Variants in GSE1 observed in about 807,000 individuals in gnomAD.
GSE1 encodes genetic suppressor element 1.
GSE1 carries 32 observed loss-of-function variants against 112.6 expected under a neutral mutation model. The observed-to-expected ratio is 0.28, with a 90% CI of 0.21 to 0.38. GSE1 has a LOEUF of 0.38. Among genes scored for constraint, GSE1 ranks in the 10% least tolerant of loss-of-function variants. The pLI is 1.00. For missense variants in GSE1, 2,348 were observed against 1,699.2 expected (o/e 1.38, Z -6.71); for synonymous variants, 1,115 against 735.6 (o/e 1.52, Z -8.35).
rs868320104 is a variant in GSE1, at chr16:85,410,415, T to C, written c.2464+52772T>C. Among the ~76,000 whole-genome samples the C allele has an allele frequency of 6.0e-3, 157 of 26,350 alleles. 3 individuals are homozygous for C. The highest frequency in any genetic ancestry group is 7.8e-3 in the Non-Finnish European group (113 of 14,560). 17.3% of individuals were successfully genotyped at this position (26,350 alleles called of 152,430 possible). A position where few individuals can be genotyped will look rare whatever the true frequency, so the allele number is the denominator to read the frequency against. ...TCAGGCCCCCCTGGATAATCCTCAC[T>C]GTTACACTCAGGGCCCCCTGGATAA... On this transcript the variant is annotated intron_variant, in intron 2 of 2. Coordinates refer to the GSE1 transcript ENST00000637419.
At chr16:85,302,486 T>C (rs928070461) in intron 1 of GSE1, among the ~76,000 whole-genome samples, 2 of 150,880 alleles carry the variant, frequency 1.3e-5, no homozygotes, top group Non-Finnish European at 2.9e-5. Flanking sequence ...ATAGTACTGC[T>C]ATCAAGGCTC....
At chr16:85,555,281 T>TC, upstream of GSE1, 1 of 985,176 alleles carries the variant, frequency 1.0e-6, no homozygotes. Flanking sequence ...CCCGCTCTCC[T>TC]CCTGCCTCCT....
At chr16:85,662,410 C>T (rs2052511467) in intron 9 of GSE1, 1 of 153,430 alleles carries the variant, frequency 6.5e-6, no homozygotes, top group Non-Finnish European at 1.4e-5. Flanking sequence ...GCTCAGCCTC[C>T]TCTTCAATAG....
chr16:85,354,638 G>T (rs1437730333), intron 1 of GSE1, among the ~76,000 whole-genome samples: 2 of 152,216 alleles, frequency 1.3e-5, no homozygotes, highest in Non-Finnish European at 2.9e-5. Flanking sequence ...TCGAGACTGG[G>T]GCATGGCACA....
At chr16:85,268,841 C>A (rs1398259413) in intron 1 of GSE1, among the ~76,000 whole-genome samples, 1 of 152,166 alleles carries the variant, frequency 6.6e-6, no homozygotes, top group East Asian at 1.9e-4. Flanking sequence ...GACCCCCGTG[C>A]TCTCTCCACA....
chr16:85,624,094 A>G (rs914571031), intron 1 of GSE1, among the ~76,000 whole-genome samples: 1 of 152,126 alleles, frequency 6.6e-6, no homozygotes, highest in Non-Finnish European at 1.5e-5. Context: ...CTTGTGAGCA[A>G]GCGTCTCAGC....
intron 12 of GSE1, 37 bp from the exon 13 acceptor site, chr16:85,665,939 C>A: frequency 6.2e-7 from 1 of 1,605,740 alleles, no homozygotes; most frequent in Non-Finnish European, 8.5e-7. Flanking sequence ...TGTTAACTTG[C>A]ATTTCTTAAT....
chr16:85,517,308 G>A (rs2051982983), intron 2 of GSE1, among the ~76,000 whole-genome samples: 1 of 152,202 alleles, frequency 6.6e-6, no homozygotes, highest in Non-Finnish European at 1.5e-5. Context: ...GCACAGCCAT[G>A]TGTCCTTGGT....
chr16:85,302,282 T>G (rs1213128451), intron 1 of GSE1, among the ~76,000 whole-genome samples: 7 of 152,278 alleles, frequency 4.6e-5, no homozygotes, highest in African/African-American at 7.2e-5. Context: ...CCGGGGTGAC[T>G]CGGAGTCATC....
chr16:85,587,609 C>T (rs893809131), intron 1 of GSE1, among the ~76,000 whole-genome samples: 1 of 152,124 alleles, frequency 6.6e-6, no homozygotes, highest in African/African-American at 2.4e-5. Flanking sequence ...GCCCAGGCCC[C>T]CTGTTGGTTT....
At chr16:85,387,956 A>G in intron 2 of GSE1, among the ~76,000 whole-genome samples, 1 of 146,672 alleles carries the variant, frequency 6.8e-6, no homozygotes, top group Non-Finnish European at 1.5e-5. Context: ...GGATAAAGGG[A>G]TGGATGGGTA....
intron 2 of GSE1, chr16:85,490,476 C>G (rs1033703745): frequency 6.6e-6 from 1 of 152,284 alleles, no homozygotes; most frequent in East Asian, 1.9e-4. Context: ...CCTCCCAGGC[C>G]CAGGGCATCG....
chr16:85,189,425 G>C (rs2074778136), intron 1 of GSE1, among the ~76,000 whole-genome samples: 3 of 152,192 alleles, frequency 2.0e-5, no homozygotes, highest in South Asian at 2.1e-4. Context: ...CTTGCCAGCT[G>C]TGGGAGTGGC....
At chr16:85,433,215 G>C (rs1025855556) in intron 2 of GSE1, among the ~76,000 whole-genome samples, 7 of 151,858 alleles carry the variant, frequency 4.6e-5, no homozygotes, top group East Asian at 1.9e-4. Flanking sequence ...TCTCTTGCTT[G>C]GTTTACATTG....
rs562781102 is a variant in GSE1 at position 85,269,830 on chromosome 16, G to A, written c.2284-87633G>A. ...AGGCCCTGTCGAGAGAGGTGGCACC[G>A]TAGGTGGGATGCCTGTGCCCTACAC... is the stretch of plus-strand genomic sequence containing the variant. On this transcript the variant is annotated intron_variant, in intron 1 of 2. Coordinates refer to the GSE1 transcript ENST00000637419. Among the ~76,000 whole-genome samples the A allele has an allele frequency of 4.7e-5, 7 of 149,572 alleles. 1 individual carries two copies. In the South Asian group the frequency reaches 6.3e-4, roughly 13 times the overall value.
intron 1 of GSE1, 43 bp from the exon 2 acceptor site, chr16:85,633,871 C>T (rs371349851): frequency 2.0e-6 from 3 of 1,527,148 alleles, no homozygotes; most frequent in Admixed American, 3.4e-5. Context: ...GCTGGGCGCT[C>T]CTGCTCTCTG....
chr16:85,590,063 ATG>A (rs753793410), intron 1 of GSE1, among the ~76,000 whole-genome samples: 56 of 152,006 alleles, frequency 3.7e-4, no homozygotes, highest in Admixed American at 5.9e-4. Context: ...GTGTTTATGA[ATG>A]TATCTGATTG....
chr16:85,581,061 A>C (rs888059873), intron 1 of GSE1, among the ~76,000 whole-genome samples: 2 of 152,228 alleles, frequency 1.3e-5, no homozygotes, highest in African/African-American at 4.8e-5. Context: ...TCAGAGGGAC[A>C]CTGGTGGTTG....
chr16:85,424,558 G>C (rs1477299697), intron 2 of GSE1, among the ~76,000 whole-genome samples: 4 of 152,244 alleles, frequency 2.6e-5, no homozygotes, highest in Admixed American at 2.0e-4. Context: ...AGCTGGCCTG[G>C]CCGCCTGCAG....
Sources: gnomAD v4.1 joint callset for allele counts (sites outside exome capture counted in the v4.1 genomes callset) on GRCh38, gnomAD v4.1.1 for gene constraint, MANE v1.5 for transcripts, NCBI Gene and HGNC (gene_info 2026-07-23, HGNC 2026-07-21) for gene names.